The following SPNS2 variants were observed in gnomAD, a reference collection of about 807,000 sequenced individuals.
SPNS2 encodes the protein sphingosine-1-phosphate transporter SPNS2.
Under a neutral mutation model 57.6 loss-of-function variants are expected in SPNS2, and 37 were observed. The observed-to-expected ratio is 0.64, with a 90% CI of 0.49 to 0.85. The LOEUF (loss-of-function observed/expected upper bound fraction) is 0.85. Ranked by LOEUF, SPNS2 falls within the 40% of genes least tolerant of loss-of-function variation. The pLI is 0.00. For missense variants in SPNS2, 831 were observed against 779.1 expected (o/e 1.07, Z -0.79); for synonymous variants, 440 against 346.9 (o/e 1.27, Z -2.98).
intron 2 of SPNS2, among the ~76,000 whole-genome samples, chr17:4,520,411 A>G (rs977261118): frequency 7.9e-5 from 12 of 152,088 alleles, no homozygotes; most frequent in Admixed American, 7.9e-4. Flanking sequence ...GGTCTGGCGA[A>G]GGTCTGGGTC....
At position 4,537,726 on chromosome 17, in the gene SPNS2, G is replaced by A. The variant is rs1053524751; in HGVS notation, c.*278G>A. ...GCCCCTGGGGCCAAGGAAGAAGACAGCCCCAAGTGGGTGTCCGGGGAGAGC... is the reference window on the plus strand; with the variant it reads ...GCCCCTGGGGCCAAGGAAGAAGACAACCCCAAGTGGGTGTCCGGGGAGAGC... On this transcript the variant is annotated 3_prime_UTR_variant, in exon 13 of 13. Transcript: ENST00000329078. The A allele has an allele frequency of 1.3e-5, 6 of 456,642 alleles. No individual in the cohort carries two copies. The highest frequency in any genetic ancestry group is 2.6e-5 in the Non-Finnish European group (6 of 226,966). 28.3% of individuals were successfully genotyped at this position (456,642 alleles called of 1,614,324 possible). A position where few individuals can be genotyped will look rare whatever the true frequency, so the allele number is the denominator to read the frequency against.
chr17:4,536,631 TC>T, intron 11 of SPNS2: 1 of 711,226 alleles, frequency 1.4e-6, no homozygotes, highest in Non-Finnish European at 2.3e-6. Context: ...GTCTGGTGGA[TC>T]CAGACTTGGG....
chr17:4,503,997 T>TTTTG (rs1555535367), intron 1 of SPNS2, among the ~76,000 whole-genome samples: 1 of 150,586 alleles, frequency 6.6e-6, no homozygotes, highest in Non-Finnish European at 1.5e-5. Flanking sequence ...TTTTTTTTTT[T>TTTTG]GGTCTGTCCT....
Position 4,537,766 on chromosome 17 carries a change from G to C in SPNS2, c.*318G>C. 1 of 456,334 alleles carries C rather than the reference G, an allele frequency of 2.2e-6. No individual in the cohort carries two copies. The highest frequency in any genetic ancestry group is 4.4e-6 in the Non-Finnish European group (1 of 226,596). 28.3% of individuals were successfully genotyped at this position (456,334 alleles called of 1,614,324 possible). A position where few individuals can be genotyped will look rare whatever the true frequency, so the allele number is the denominator to read the frequency against. On this transcript the variant is annotated 3_prime_UTR_variant, in exon 13 of 13. Coordinates refer to ENST00000329078, the MANE Select transcript of SPNS2 (RefSeq NM_001124758.3). ...CCGGGGAGAGCCTGGCCTGCCACCA[G>C]CTTATGTGATCTTGGGCAAGTCCCT... is the stretch of plus-strand genomic sequence containing the variant.
rs953983521 is a variant in SPNS2, at chr17:4,511,911, T to A, written c.371-1336T>A. On this transcript the variant is annotated intron_variant, in intron 1 of 12. Coordinates refer to ENST00000329078, the MANE Select transcript of SPNS2 (RefSeq NM_001124758.3). The surrounding 1 kb of genome is among the most constrained non-coding windows in gnomAD (Gnocchi z 4.6). ...CCCCCAGTCCCAGCTGCCAGCAGGA[T>A]CCTCATACAGCACCTGGAGATTCCA... is the stretch of plus-strand genomic sequence containing the variant. Among the ~76,000 whole-genome samples, 2 of 152,122 alleles carry A rather than the reference T, an allele frequency of 1.3e-5. No individual in the cohort carries two copies. The highest frequency in any genetic ancestry group is 2.9e-5 in the Non-Finnish European group (2 of 68,004).
chr17:4,534,299 G>C (rs1905657128), intron 9 of SPNS2: 1 of 216,548 alleles, frequency 4.6e-6, no homozygotes, highest in Admixed American at 5.1e-5. Flanking sequence ...CTCTAGCCCA[G>C]CCAGCTGGGG....
Position 4,533,293 on chromosome 17 carries a change from C to CG in SPNS2, c.1144dup (p.Ala382GlyfsTer58), listed in dbSNP as rs756445803. 1 of 1,610,644 alleles carries CG rather than the reference C, an allele frequency of 6.2e-7. No individual in the cohort carries two copies. The highest frequency in any genetic ancestry group is 8.5e-7 in the Non-Finnish European group (1 of 1,178,466). ...TTTACGGGATTTCTGGGCGTGGTCA[C>CG]GGGGGCAGGAGCCACGCGCTGGTGC... On this transcript the variant is annotated frameshift_variant, in exon 8 of 13. Coordinates refer to ENST00000329078, the MANE Select transcript of SPNS2 (RefSeq NM_001124758.3). LOFTEE classifies it high-confidence loss of function.
intron 2 of SPNS2, among the ~76,000 whole-genome samples, chr17:4,523,148 A>G (rs930157892): frequency 6.6e-6 from 1 of 152,176 alleles, no homozygotes; most frequent in African/African-American, 2.4e-5. Flanking sequence ...CTCAATTTAA[A>G]ATTGTGGTGG....
chr17:4,535,775 C>T (rs559869484), intron 9 of SPNS2, among the ~76,000 whole-genome samples: 20 of 151,980 alleles, frequency 1.3e-4, no homozygotes, highest in African/African-American at 2.7e-4. Flanking sequence ...TGGGGCAGGT[C>T]GCAGTGGTCT....
intron 1 of SPNS2, among the ~76,000 whole-genome samples, chr17:4,502,091 T>C (rs938294654): frequency 2.6e-5 from 4 of 152,178 alleles, no homozygotes; most frequent in Non-Finnish European, 5.9e-5. Flanking sequence ...TAAAAGTTGT[T>C]AGGGCTGGGC....
At chr17:4,519,920 G>T (rs1355659610) in intron 2 of SPNS2, among the ~76,000 whole-genome samples, 1 of 152,156 alleles carries the variant, frequency 6.6e-6, no homozygotes, top group Non-Finnish European at 1.5e-5. Flanking sequence ...TTGTGTTCAG[G>T]CCCCTCCATG....
In SPNS2 at chr17:4,499,937, TGCGCGTGGCGGCGCGGTTGTGTGTGA is replaced by T. The variant is rs1432590621; in HGVS notation, c.370+530_370+555del. 6.6e-5 allele frequency among the ~76,000 whole-genome samples: 10 copies of T among 151,790 alleles called. No homozygotes were observed. Among genetic ancestry groups the T allele is most frequent in the African/African-American group, 1.7e-4 (7 of 41,384 alleles). On this transcript the variant is annotated intron_variant, in intron 1 of 12. Coordinates refer to ENST00000329078, the MANE Select transcript of SPNS2 (RefSeq NM_001124758.3). The surrounding 1 kb of genome is among the most constrained non-coding windows in gnomAD (Gnocchi z 5.2). ...GTGCGCTAGGGAGACCGGGTGTGTG[TGCGCGTGGCGGCGCGGTTGTGTGTGA>T]GCGCGTGGCTGACAAAGGCTCCGGG...
At chr17:4,532,155 C>T (rs1008340046) in intron 5 of SPNS2, among the ~76,000 whole-genome samples, 7 of 131,246 alleles carry the variant, frequency 5.3e-5, no homozygotes, top group African/African-American at 1.8e-4. Flanking sequence ...TCTGTCCATC[C>T]GTCTGTCCAT....
At position 4,536,257 on chromosome 17, in the gene SPNS2, T is replaced by C. The variant is rs769127856; in HGVS notation, c.1444-6T>C. 12 of 1,611,334 alleles carry C rather than the reference T, an allele frequency of 7.4e-6. No homozygotes were observed. In the South Asian group the frequency reaches 8.8e-5, roughly 12 times the overall value. ...TGCCCTGACATCCACCCCCAAATCCTCGCAGATCTCAGACCTGATCCGCCA... is the reference window on the plus strand; with the variant it reads ...TGCCCTGACATCCACCCCCAAATCCCCGCAGATCTCAGACCTGATCCGCCA... On this transcript the variant is annotated splice_region_variant and splice_polypyrimidine_tract_variant and intron_variant, in intron 10 of 12. Transcript: ENST00000329078.
At chr17:4,536,573 G>C (rs1014191416) in intron 11 of SPNS2, 147 bp downstream of exon 11, 2 of 1,025,522 alleles carry the variant, frequency 2.0e-6, no homozygotes, top group African/African-American at 3.2e-5. Flanking sequence ...GTCCAGCCCT[G>C]AGGCCCAGTG....
chr17:4,516,118 A>G (rs1192717906), intron 2 of SPNS2, among the ~76,000 whole-genome samples: 1 of 152,138 alleles, frequency 6.6e-6, no homozygotes, highest in African/African-American at 2.4e-5. Flanking sequence ...GTTCGAGACC[A>G]GCCTGTCCAA....
At chr17:4,507,867 C>G (rs894180339) in intron 1 of SPNS2, among the ~76,000 whole-genome samples, 1 of 152,200 alleles carries the variant, frequency 6.6e-6, no homozygotes, top group Non-Finnish European at 1.5e-5. Context: ...TGGCCTGAGC[C>G]GAGGGCTCTT....
rs750345553 is a variant in SPNS2 at position 4,533,901 on chromosome 17, T to C, written c.1344+48T>C. ...ACCTTGTGCTGCTGACCCAGGCCTCTTGACCTCACAGGGGTGCCTGGGGAG... is the reference window on the plus strand; with the variant it reads ...ACCTTGTGCTGCTGACCCAGGCCTCCTGACCTCACAGGGGTGCCTGGGGAG... On this transcript the variant is annotated intron_variant, in intron 9 of 12. Coordinates refer to ENST00000329078, the MANE Select transcript of SPNS2 (RefSeq NM_001124758.3). The C allele has an allele frequency of 7.0e-6, 11 of 1,582,434 alleles. No homozygotes were observed. In the East Asian group the frequency reaches 1.1e-4, roughly 16 times the overall value.
chr17:4,532,394 A>C (rs967046438), intron 5 of SPNS2, 148 bp from the exon 6 acceptor site: 1 of 1,206,368 alleles, frequency 8.3e-7, no homozygotes, highest in African/African-American at 1.5e-5. Flanking sequence ...AGCTTTTCTC[A>C]GCAGCCCAAT....
Sources: allele counts gnomAD v4.1 joint callset (sites outside exome capture counted in the v4.1 genomes callset), GRCh38; gene constraint gnomAD v4.1.1; non-coding constraint Gnocchi (gnomAD v3.1); transcripts MANE v1.5; gene names NCBI Gene and HGNC (gene_info 2026-07-23, HGNC 2026-07-21).